Variants in TRPV6 observed in about 807,000 individuals in gnomAD.
TRPV6 encodes the protein Alu-binding protein with zinc finger domain.
In TRPV6, 39 loss-of-function variants were observed where a neutral mutation model predicts 79.0. The observed-to-expected ratio is 0.49, with a 90% confidence interval of 0.38 to 0.64. TRPV6 has a LOEUF of 0.64. TRPV6 is among the 30% of genes least tolerant of loss of function. TRPV6 has a pLI of 0.00. For missense variants in TRPV6, 813 were observed against 1,011.1 expected (o/e 0.80, Z 2.66); for synonymous variants, 373 against 391.9 (o/e 0.95, Z 0.57).
Position 142,871,982 on chromosome 7 carries a change from C to G in TRPV6, c.2023G>C (p.Asp675His). 1 of 1,591,210 alleles carries G rather than the reference C, an allele frequency of 6.3e-7. No individual in the cohort carries two copies. Among genetic ancestry groups the G allele is most frequent in the Non-Finnish European group, 8.6e-7 (1 of 1,167,266 alleles). The change falls in exon 15 of 15, where the codon GAC becomes CAC. Residue 675 changes from aspartate to histidine, a missense_variant. Physicochemically the swap from Asp to His is moderately conservative, Grantham distance 81 (BLOSUM62 -1). Transcript: ENST00000359396. ...CGCTGCCGGTTGAGATCTTGCCTGT[C>G]TTCCACCCTGTGGAATGCGGGAGGA...
At chr7:142,875,956 A>C (rs769920141) in intron 6 of TRPV6, 52 bp from the exon 7 acceptor site, 14 of 1,531,210 alleles carry the variant, frequency 9.1e-6, no homozygotes, top group Non-Finnish European at 1.2e-5. Flanking sequence ...GGACGGTCAC[A>C]GAGTGTGGAT....
chr7:142,874,886 G>T lies in TRPV6; in HGVS notation c.1406+18C>A, dbSNP rs1795023423. ...CCCTGTTGAGGGAAGGGATGGGAGT[G>T]AGAGGAAGGAAACTCACATGAGGAC... On this transcript the variant is annotated intron_variant, in intron 10 of 14. Coordinates refer to ENST00000359396, the MANE Select transcript of TRPV6 (RefSeq NM_018646.6). The T allele has an allele frequency of 6.2e-7, 1 of 1,613,878 alleles. No individual in the cohort carries two copies. Among genetic ancestry groups the T allele is most frequent in the South Asian group, 1.1e-5 (1 of 91,080 alleles).
At position 142,873,840 on chromosome 7, in the gene TRPV6, A is replaced by T; in HGVS notation, c.1640-124T>A. 7.1e-7 allele frequency: 1 copy of T among 1,413,190 alleles called. No individual in the cohort carries two copies. Among genetic ancestry groups the T allele is most frequent in the Non-Finnish European group, 9.7e-7 (1 of 1,029,644 alleles). 87.5% of individuals were successfully genotyped at this position (1,413,190 alleles called of 1,614,324 possible). On this transcript the variant is annotated intron_variant, in intron 12 of 14. Coordinates refer to ENST00000359396, the MANE Select transcript of TRPV6 (RefSeq NM_018646.6). This position sits in a 1 kb window ranked among gnomAD's most constrained non-coding sequence, Gnocchi z 4.8. The stretch of plus-strand genomic sequence containing the variant: ...AATATCACCAGCTCTGCAGTGCTCC[A>T]AACTTTGGGTTTTTACGGTCCCTAG...
chr7:142,884,985 A>G (rs1217159201), intron 1 of TRPV6: 1 of 157,964 alleles, frequency 6.3e-6, no homozygotes, highest in African/African-American at 2.4e-5. Flanking sequence ...ACATATGTAT[A>G]CTATGTGTTC....
intron 5 of TRPV6, 46 bp from the exon 6 acceptor site, chr7:142,876,629 T>C: frequency 6.2e-7 from 1 of 1,612,506 alleles, no homozygotes; most frequent in Middle Eastern, 1.7e-4. Flanking sequence ...CTAAAGTCCC[T>C]GATGTCCCCA....
In TRPV6 at chr7:142,871,566, G is replaced by A. The variant is rs1296708597; in HGVS notation, c.*141C>T. 5.4e-5 allele frequency: 56 copies of A among 1,037,066 alleles called. No homozygotes were observed. In the Middle Eastern group the frequency reaches 6.7e-4, roughly 12 times the overall value. 64.2% of individuals were successfully genotyped at this position (1,037,066 alleles called of 1,614,324 possible). A position where few individuals can be genotyped will look rare whatever the true frequency, so the allele number is the denominator to read the frequency against. On this transcript the variant is annotated 3_prime_UTR_variant, in exon 15 of 15. Transcript: ENST00000359396. ...CAGGCCTGGAGCAGTGATTCTCAAC[G>A]TACATTCCTTGGCGTTCATGCTACT...
chr7:142,885,451 C>T lies in TRPV6; in HGVS notation c.186G>A (p.Trp62Ter). The stretch of plus-strand genomic sequence containing the variant: ...GGGCCCAGGACTCCCGTCTCTGGAA[C>T]CATCTGCAGAACTTGCTCCATAGGC... The change falls in exon 1 of 15, where the codon TGG (tryptophan) becomes TGA (stop). Residue 62 changes from tryptophan (W) to a stop codon, truncating the protein, a stop_gained. Coordinates refer to ENST00000359396, the MANE Select transcript of TRPV6 (RefSeq NM_018646.6). LOFTEE classifies it high-confidence loss of function. The T allele has an allele frequency of 1.2e-6, 2 of 1,613,974 alleles. No individual in the cohort carries two copies. The highest frequency in any genetic ancestry group is 1.1e-5 in the South Asian group (1 of 91,074).
Position 142,877,987 on chromosome 7 carries a change from A to G in TRPV6, c.288T>C (p.Asn96=), listed in dbSNP as rs773148980. ...GCAACTTGTTCAGGGCCTGGACATC[A>G]TTATCTTTGGCAGCTAGAAGGAGAG... Residue 96 remains asparagine (N), a synonymous_variant, in exon 2 of 15, where the codon AAT becomes AAC. Coordinates refer to ENST00000359396, the MANE Select transcript of TRPV6 (RefSeq NM_018646.6). 3.1e-6 allele frequency: 5 copies of G among 1,614,152 alleles called. No homozygotes were observed. The highest frequency in any genetic ancestry group is 3.4e-6 in the Non-Finnish European group (4 of 1,180,022).
rs1220361732 is a variant in TRPV6, at chr7:142,871,963, C to T, written c.2042G>A (p.Arg681Gln). Residue 681 changes from arginine (R) to glutamine (Q), a missense_variant, in exon 15 of 15, where the codon CGG (arginine) becomes CAG (glutamine). Arg to Gln is a conservative substitution (Grantham distance 43). Around this residue, in one of 3 missense-constraint regions of TRPV6, gnomAD observed 164 missense variants for 186.1 expected, o/e 0.88. Transcript: ENST00000359396. ...CTGTGCGTAGCGTTGGATCCGCTGC[C>T]GGTTGAGATCTTGCCTGTCTTCCAC... 4.4e-6 allele frequency: 7 copies of T among 1,603,744 alleles called. No individual in the cohort carries two copies. Among genetic ancestry groups the T allele is most frequent in the African/African-American group, 1.3e-5 (1 of 74,666 alleles).
intron 2 of TRPV6, 46 bp downstream of exon 2, chr7:142,877,883 T>G: frequency 6.2e-7 from 1 of 1,608,956 alleles, no homozygotes; most frequent in Non-Finnish European, 8.5e-7. Context: ...GGAGGCCCCA[T>G]GTGTGGGGCT....
At position 142,871,886 on chromosome 7, in the gene TRPV6, G is replaced by A. The variant is rs1563352358; in HGVS notation, c.2119C>T (p.Leu707=). 6.2e-7 allele frequency: 1 copy of A among 1,614,104 alleles called. No homozygotes were observed. Among genetic ancestry groups the A allele is most frequent in the Non-Finnish European group, 8.5e-7 (1 of 1,180,044 alleles). Residue 707 remains leucine (L), a synonymous_variant, in exon 15 of 15, where the codon CTA becomes TTA. Transcript: ENST00000359396. Reference sequence around the variant, plus strand: ...GGGCTGAAGGGACAGCCCAGCTCTAGTTTTTCCACTGAGTCTTTGTCCAAA... The same window carrying A: ...GGGCTGAAGGGACAGCCCAGCTCTAATTTTTCCACTGAGTCTTTGTCCAAA...
Position 142,871,669 on chromosome 7 carries a change from T to TGA in TRPV6, c.*36_*37dup. ...GTTTTGTTTGATGCACCCAGGAAAA[T>TGA]GAGAGCAAGTTCCAGGAAGCGAAGT... On this transcript the variant is annotated 3_prime_UTR_variant, in exon 15 of 15. Coordinates refer to ENST00000359396, the MANE Select transcript of TRPV6 (RefSeq NM_018646.6). 1 of 1,544,980 alleles carries TGA rather than the reference T, an allele frequency of 6.5e-7. No homozygotes were observed. Among genetic ancestry groups the TGA allele is most frequent in the African/African-American group, 1.4e-5 (1 of 72,850 alleles).
Position 142,877,769 on chromosome 7 carries a change from G to T in TRPV6, c.351C>A (p.Ala117=). ...CTATGTGTAGCGCTGTTTCCCCCAT[G>T]GCTCCTGGCATTTACAGAGAGGTGG... Residue 117 remains alanine, a synonymous_variant, in exon 3 of 15, where the codon GCC becomes GCA. Transcript: ENST00000359396. 6.2e-7 allele frequency: 1 copy of T among 1,614,146 alleles called. No homozygotes were observed. The highest frequency in any genetic ancestry group is 8.5e-7 in the Non-Finnish European group (1 of 1,180,012).
chr7:142,877,979 T>G lies in TRPV6; in HGVS notation c.296A>C (p.Gln99Pro), dbSNP rs866556376. The G allele has an allele frequency of 1.9e-6, 3 of 1,614,212 alleles. No homozygotes were observed. Among genetic ancestry groups the G allele is most frequent in the Middle Eastern group, 1.6e-4 (1 of 6,062 alleles). Reference sequence around the variant, plus strand: ...ATACTTGAGCAACTTGTTCAGGGCCTGGACATCATTATCTTTGGCAGCTAG... The same window carrying G: ...ATACTTGAGCAACTTGTTCAGGGCCGGGACATCATTATCTTTGGCAGCTAG... The change falls in exon 2 of 15, where the codon CAG becomes CCG. Residue 99 changes from glutamine (Q) to proline (P), a missense_variant. Gln to Pro is a moderately conservative substitution (Grantham distance 76, BLOSUM62 -1). Coordinates refer to ENST00000359396, the MANE Select transcript of TRPV6 (RefSeq NM_018646.6).
chr7:142,877,818 C>T (rs771089962), intron 2 of TRPV6, 45 bp from the exon 3 acceptor site: 16 of 1,613,366 alleles, frequency 9.9e-6, no homozygotes, highest in African/African-American at 2.7e-5. Flanking sequence ...TGTGGGACAG[C>T]GGATTGGAGA....
At chr7:142,881,697 G>T (rs1795195153) in intron 1 of TRPV6, 2 of 152,164 alleles carry the variant, frequency 1.3e-5, no homozygotes, top group Admixed American at 1.3e-4. Flanking sequence ...CCAACTAAGG[G>T]GTTCCTGGCA....
At chr7:142,879,993 C>CTATGCCTA (rs535160936) in intron 1 of TRPV6, 88 of 152,326 alleles carry the variant, frequency 5.8e-4, no homozygotes, top group African/African-American at 2.0e-3. Flanking sequence ...TCTGCACTGC[C>CTATGCCTA]TATGCCTAGA....
intron 11 of TRPV6, 130 bp from the exon 12 acceptor site, chr7:142,874,272 G>A: frequency 8.3e-7 from 1 of 1,202,092 alleles, no homozygotes; most frequent in East Asian, 2.5e-5. Context: ...GCTATCTATG[G>A]CCTGTGGACC....
rs1795289429 is a variant in TRPV6, at chr7:142,885,575, A to G, written c.62T>C (p.Leu21Pro). 6.5e-7 allele frequency: 1 copy of G among 1,533,784 alleles called. No individual in the cohort carries two copies. The change falls in exon 1 of 15, where the codon CTG becomes CCG. Residue 21 changes from leucine to proline, a missense_variant. By Grantham distance (98) the Leu-to-Pro change is moderately conservative (BLOSUM62 -3). Transcript: ENST00000359396. ...CCGAGGCCAGACCCTGACGGGACTC[A>G]GCCTTGGGGCCACATCAGCCCCCCC... is the stretch of plus-strand genomic sequence containing the variant.
Sources: gnomAD v4.1 joint callset for allele counts on GRCh38, gnomAD v4.1.1 for gene constraint, gnomAD v4.1.1 regional missense constraint, Gnocchi (gnomAD v3.1) non-coding constraint, MANE v1.5 for transcripts, NCBI Gene and HGNC (gene_info 2026-07-23, HGNC 2026-07-21) for gene names.